Variants in ZNF423 observed in about 807,000 individuals in gnomAD.
The protein encoded by ZNF423 is zinc finger protein 423, also known as Ebf-associated zinc finger protein.
In ZNF423, 12 loss-of-function variants were observed where a neutral mutation model predicts 95.8. The ratio of observed to expected loss-of-function variants is 0.13; its 90% CI spans 0.08 to 0.20. The LOEUF is 0.20. Ranked by LOEUF, ZNF423 falls within the 10% of genes least tolerant of loss-of-function variation. ZNF423 has a pLI of 1.00. For synonymous variants in ZNF423, 749 were observed against 711.9 expected (o/e 1.05, Z -0.83); for missense variants, 1,316 against 1,737.1 (o/e 0.76, Z 4.31).
At chr16:49,670,533 GA>G (rs762410033) in intron 3 of ZNF423, among the ~76,000 whole-genome samples, 6 of 152,150 alleles carry the variant, frequency 3.9e-5, no homozygotes, top group Non-Finnish European at 5.9e-5. Flanking sequence ...GGCTCAACTA[GA>G]TGCAGGCAGC....
intron 1 of ZNF423, among the ~76,000 whole-genome samples, chr16:49,790,627 G>T (rs1418960874): frequency 6.6e-6 from 1 of 152,244 alleles, no homozygotes; most frequent in Non-Finnish European, 1.5e-5. Context: ...TGTACAACAC[G>T]CAGGCAGCCA....
chr16:49,534,234 C>T (rs1968969540), intron 5 of ZNF423, among the ~76,000 whole-genome samples: 2 of 105,654 alleles, frequency 1.9e-5, no homozygotes, highest in Admixed American at 2.3e-4. Flanking sequence ...TGTTACTTCT[C>T]CTTCTTTTTT....
chr16:49,617,631 G>A (rs1419670789), intron 5 of ZNF423, among the ~76,000 whole-genome samples: 1 of 151,948 alleles, frequency 6.6e-6, no homozygotes. Context: ...TCTCTCTCCC[G>A]AACCTAGAAA....
chr16:49,827,308 C>T (rs2035015104), intron 1 of ZNF423, among the ~76,000 whole-genome samples: 1 of 152,004 alleles, frequency 6.6e-6, no homozygotes, highest in Non-Finnish European at 1.5e-5. Context: ...ACCCCTCATC[C>T]TTCCTTGTCT....
At chr16:49,702,634 G>A (rs983966025) in intron 3 of ZNF423, among the ~76,000 whole-genome samples, 8 of 152,316 alleles carry the variant, frequency 5.3e-5, no homozygotes, top group East Asian at 1.9e-4. Flanking sequence ...CAAGGGGCAC[G>A]CTTGGTCTTG....
chr16:49,696,682 C>T (rs2031985781), intron 3 of ZNF423, among the ~76,000 whole-genome samples: 1 of 151,858 alleles, frequency 6.6e-6, no homozygotes, highest in Non-Finnish European at 1.5e-5. Flanking sequence ...ATTGTGCAGC[C>T]TGACTGGGCC....
intron 2 of ZNF423, among the ~76,000 whole-genome samples, chr16:49,743,440 T>A (rs937942413): frequency 6.6e-6 from 1 of 152,174 alleles, no homozygotes; most frequent in African/African-American, 2.4e-5. Context: ...TTCACTCTGC[T>A]TCCCCCTTCT....
chr16:49,539,329 G>A (rs1969169340), intron 5 of ZNF423, among the ~76,000 whole-genome samples: 1 of 152,092 alleles, frequency 6.6e-6, no homozygotes, highest in Non-Finnish European at 1.5e-5. Context: ...ATCTTCCCGG[G>A]AACCCCATAC....
At chr16:49,810,913 A>G (rs2034740604) in intron 1 of ZNF423, among the ~76,000 whole-genome samples, 1 of 152,168 alleles carries the variant, frequency 6.6e-6, no homozygotes, top group Non-Finnish European at 1.5e-5. Flanking sequence ...TCCGGCCACA[A>G]GAAGTTCACG....
chr16:49,755,175 A>G (rs2033703276), intron 2 of ZNF423, among the ~76,000 whole-genome samples: 1 of 152,160 alleles, frequency 6.6e-6, no homozygotes, highest in African/African-American at 2.4e-5. Context: ...GCCAGAATGC[A>G]AGACAGGACC....
intron 2 of ZNF423, among the ~76,000 whole-genome samples, chr16:49,741,674 A>G (rs182828276): frequency 1.3e-5 from 2 of 152,302 alleles, no homozygotes; most frequent in African/African-American, 2.4e-5. Context: ...TCTGCCATGG[A>G]GTGTGTCCAG....
intron 2 of ZNF423, among the ~76,000 whole-genome samples, chr16:49,731,930 CAG>C (rs1435681324): frequency 6.6e-6 from 1 of 152,162 alleles, no homozygotes; most frequent in East Asian, 1.9e-4. Context: ...TAGCACTGTG[CAG>C]AGAGTGGCTA....
intron 2 of ZNF423, among the ~76,000 whole-genome samples, chr16:49,751,109 A>G (rs1431445306): frequency 6.6e-6 from 1 of 152,180 alleles, no homozygotes; most frequent in African/African-American, 2.4e-5. Flanking sequence ...AACTCCATTC[A>G]AGGCACACAT....
chr16:49,855,321 T>A lies in ZNF423; in HGVS notation c.40+414A>T, dbSNP rs1028734807. Among the ~76,000 whole-genome samples the A allele has an allele frequency of 1.3e-5, 2 of 150,992 alleles. No individual in the cohort carries two copies. The highest frequency in any genetic ancestry group is 4.9e-5 in the African/African-American group (2 of 41,114). On this transcript the variant is annotated intron_variant, in intron 1 of 7. Coordinates refer to ENST00000563137, the MANE Select transcript of ZNF423 (RefSeq NM_001379286.1). This position sits in a 1 kb window ranked among gnomAD's most constrained non-coding sequence, Gnocchi z 4.7. ...GTCCTCGCCGCCTCTTCCTTCCTCCTGTCGCCCGCCCGCCGCCGCCGAGAT... is the reference window on the plus strand; with the variant it reads ...GTCCTCGCCGCCTCTTCCTTCCTCCAGTCGCCCGCCCGCCGCCGCCGAGAT...
intron 3 of ZNF423, among the ~76,000 whole-genome samples, chr16:49,721,459 C>A (rs2032862856): frequency 6.6e-6 from 1 of 152,114 alleles, no homozygotes; most frequent in Admixed American, 6.5e-5. Flanking sequence ...ACCGGGAACA[C>A]ATGTACAACC....
chr16:49,664,443 G>C (rs1165509418), intron 3 of ZNF423, among the ~76,000 whole-genome samples: 2 of 152,260 alleles, frequency 1.3e-5, no homozygotes, highest in Non-Finnish European at 2.9e-5. Context: ...TGTTGACCCA[G>C]TTGAGGGATC....
intron 3 of ZNF423, among the ~76,000 whole-genome samples, chr16:49,693,398 G>C (rs1277031598): frequency 2.0e-5 from 3 of 152,162 alleles, no homozygotes; most frequent in African/African-American, 7.2e-5. Flanking sequence ...CGTGGGATTA[G>C]AACCCACAGT....
intron 5 of ZNF423, among the ~76,000 whole-genome samples, chr16:49,555,346 A>ATCACTCAATAAACAG (rs1969783436): frequency 6.6e-6 from 1 of 152,230 alleles, no homozygotes; most frequent in Non-Finnish European, 1.5e-5. Flanking sequence ...GCCTACAGGC[A>ATCACTCAATAAACAG]TCACTCAATA....
chr16:49,770,924 C>T (rs2034021327), intron 2 of ZNF423, among the ~76,000 whole-genome samples: 2 of 152,322 alleles, frequency 1.3e-5, no homozygotes, highest in East Asian at 3.9e-4. Context: ...GAGGCCATGG[C>T]TTCCAGCCCC....
Sources: gnomAD v4.1 joint callset for allele counts (sites outside exome capture counted in the v4.1 genomes callset) on GRCh38, gnomAD v4.1.1 for gene constraint, Gnocchi (gnomAD v3.1) non-coding constraint, MANE v1.5 for transcripts, NCBI Gene and HGNC (gene_info 2026-07-23, HGNC 2026-07-21) for gene names.